Variants in ME1 observed in about 807,000 individuals in gnomAD.
The protein encoded by ME1 is NADP-dependent malic enzyme.
In ME1, 74 loss-of-function variants were observed where a neutral mutation model predicts 66.4. The observed-to-expected ratio is 1.11, with a 90% CI of 0.92 to 1.35. The LOEUF (loss-of-function observed/expected upper bound fraction) is 1.35, where lower values mean the gene tolerates loss of function less well. ME1 is among the 40% of genes most tolerant of loss of function. ME1 has a pLI of 0.00. For synonymous variants in ME1, 251 were observed against 235.6 expected (o/e 1.07, Z -0.60); for missense variants, 750 against 694.1 (o/e 1.08, Z -0.90).
intron 3 of ME1, among the ~76,000 whole-genome samples, chr6:83,354,037 T>C (rs576427394): frequency 6.2e-4 from 94 of 152,282 alleles, no homozygotes; most frequent in African/African-American, 2.1e-3. Context: ...TGCCTCCTCC[T>C]CCTCTCTGTC....
intron 12 of ME1, among the ~76,000 whole-genome samples, chr6:83,222,665 G>C (rs1386765063): frequency 6.6e-6 from 1 of 152,140 alleles, no homozygotes; most frequent in Non-Finnish European, 1.5e-5. Context: ...GTATCATCCT[G>C]CTGAGGCTTG....
intron 6 of ME1, among the ~76,000 whole-genome samples, chr6:83,272,201 T>A (rs1047939033): frequency 2.6e-5 from 4 of 152,142 alleles, no homozygotes; most frequent in African/African-American, 9.7e-5. Flanking sequence ...CCTAGAGATA[T>A]GACTATGAAA....
intron 3 of ME1, among the ~76,000 whole-genome samples, chr6:83,395,268 G>C (rs1006349161): frequency 2.0e-5 from 3 of 151,578 alleles, no homozygotes; most frequent in African/African-American, 4.8e-5. Flanking sequence ...TGTATTTTTA[G>C]TAGAGATAGG....
chr6:83,430,500 A>T (rs1338418484), intron 1 of ME1, among the ~76,000 whole-genome samples: 1 of 152,256 alleles, frequency 6.6e-6, no homozygotes, highest in Non-Finnish European at 1.5e-5. Context: ...TGGCACATGG[A>T]GTCTGACCTG....
chr6:83,221,914 A>G (rs902545528), intron 12 of ME1, among the ~76,000 whole-genome samples: 28 of 152,242 alleles, frequency 1.8e-4, no homozygotes, highest in African/African-American at 6.8e-4. Context: ...ACCAGTAGAA[A>G]GGCCAAGAGA....
intron 6 of ME1, among the ~76,000 whole-genome samples, chr6:83,266,241 C>T (rs1283953308): frequency 6.6e-6 from 1 of 152,172 alleles, no homozygotes; most frequent in African/African-American, 2.4e-5. Context: ...GCATGTATAA[C>T]TGCTTAAAAT....
chr6:83,264,827 G>A (rs1766959732), intron 6 of ME1, among the ~76,000 whole-genome samples: 4 of 152,176 alleles, frequency 2.6e-5, no homozygotes, highest in Admixed American at 1.3e-4. Context: ...ACTTCTGGTG[G>A]AGATGCTATG....
At chr6:83,233,482 G>T (rs1467945243) in intron 9 of ME1, among the ~76,000 whole-genome samples, 1 of 151,898 alleles carries the variant, frequency 6.6e-6, no homozygotes, top group Admixed American at 6.6e-5. Flanking sequence ...TGCACATATG[G>T]ATATGGTGTA....
intron 5 of ME1, 80 bp from the exon 6 acceptor site, chr6:83,315,493 A>G (rs1768014709): frequency 1.3e-6 from 1 of 795,132 alleles, no homozygotes; most frequent in Admixed American, 2.4e-5. Flanking sequence ...CATCTGTATA[A>G]AAGGGACAAA....
rs3823051 is a variant in ME1 at position 83,409,542 on chromosome 6, C to G, written c.79-1641G>C. ...AAGAGGTCAATGAATGAACAATCCT[C>G]TCTTTCTTCTAATTTTTCATATAGA... On this transcript the variant is annotated intron_variant, in intron 1 of 13. Transcript: ENST00000369705. Among the ~76,000 whole-genome samples, 488 of 152,286 alleles carry G rather than the reference C, an allele frequency of 3.2e-3. 8 individuals are homozygous for G. In the East Asian group the frequency reaches 0.041, roughly 13 times the overall value.
At chr6:83,357,910 T>C (rs1230914876) in intron 3 of ME1, among the ~76,000 whole-genome samples, 101 of 42,546 alleles carry the variant, frequency 2.4e-3, no homozygotes, top group Admixed American at 0.015. Context: ...CCCCTCTCTC[T>C]CTCTCTCTCT....
chr6:83,297,338 T>C (rs190356869), intron 6 of ME1, among the ~76,000 whole-genome samples: 1 of 152,300 alleles, frequency 6.6e-6, no homozygotes, highest in East Asian at 1.9e-4. Flanking sequence ...AAACATTCCA[T>C]GCCCATGAAG....
At chr6:83,307,892 T>C (rs1562476500) in intron 6 of ME1, among the ~76,000 whole-genome samples, 1 of 152,116 alleles carries the variant, frequency 6.6e-6, no homozygotes, top group Non-Finnish European at 1.5e-5. Flanking sequence ...AAGAAATAAA[T>C]TTAGTATATC....
At chr6:83,240,392 T>C (rs893153076) in intron 7 of ME1, among the ~76,000 whole-genome samples, 1 of 152,040 alleles carries the variant, frequency 6.6e-6, no homozygotes, top group African/African-American at 2.4e-5. Context: ...ACAAAACTAA[T>C]GCAAAATTTC....
intron 9 of ME1, among the ~76,000 whole-genome samples, chr6:83,230,062 G>T (rs1343929014): frequency 6.6e-6 from 1 of 152,060 alleles, no homozygotes; most frequent in East Asian, 1.9e-4. Context: ...GGCCTCAGGA[G>T]TGATCTTTTC....
At position 83,237,846 on chromosome 6, in the gene ME1, A is replaced by C. The variant is rs777359209; in HGVS notation, c.913-16T>G. The C allele has an allele frequency of 6.3e-6, 9 of 1,427,702 alleles. No individual in the cohort carries two copies. In the Middle Eastern group the frequency reaches 5.5e-4, roughly 87 times the overall value. The allele number at this position is 1,427,702 out of a possible 1,614,324, so 88.4% of individuals were successfully genotyped here. ...CTAGGGCAGCCTCAGTGATGAAAAG[A>C]AAAAATTTTAAAGTTGTTCTACATG... On this transcript the variant is annotated splice_polypyrimidine_tract_variant and intron_variant, in intron 8 of 13. Coordinates refer to ENST00000369705, the MANE Select transcript of ME1 (RefSeq NM_002395.6).
rs1269364910 is a variant in ME1 at position 83,379,313 on chromosome 6, AAAAG to A, written c.362+19050_362+19053del. On this transcript the variant is annotated intron_variant, in intron 3 of 13. Transcript: ENST00000369705. ...TTAGTGACCTCATCTGCTCATGTGAAAAAGAAAGAACTCCCCAATATAAAATAGA... is the reference window on the plus strand; with the variant it reads ...TTAGTGACCTCATCTGCTCATGTGAAAAAGAACTCCCCAATATAAAATAGA... Among the ~76,000 whole-genome samples, 11 of 152,232 alleles carry A rather than the reference AAAAG, an allele frequency of 7.2e-5. No homozygotes were observed. The East Asian group carries it at 2.1e-3, about 29-fold the overall frequency.
chr6:83,401,964 A>G (rs1283450393), intron 2 of ME1, among the ~76,000 whole-genome samples: 1 of 152,152 alleles, frequency 6.6e-6, no homozygotes, highest in Non-Finnish European at 1.5e-5. Context: ...CCTGCATGCA[A>G]TGCTCCTGCC....
chr6:83,342,794 C>T (rs143392668), intron 5 of ME1, among the ~76,000 whole-genome samples: 4 of 152,242 alleles, frequency 2.6e-5, no homozygotes, highest in African/African-American at 9.6e-5. Flanking sequence ...TCAAGCGATT[C>T]TCCTGCCTCA....
Sources: gnomAD v4.1 joint callset for allele counts (sites outside exome capture counted in the v4.1 genomes callset) on GRCh38, gnomAD v4.1.1 for gene constraint, MANE v1.5 for transcripts, NCBI Gene and HGNC (gene_info 2026-07-23, HGNC 2026-07-21) for gene names.